Variants in CNST observed in about 807,000 individuals in gnomAD.
The protein encoded by CNST is consortin.
In CNST, 39 loss-of-function variants were observed where a neutral mutation model predicts 72.4. The observed-to-expected ratio is 0.54, with a 90% CI of 0.42 to 0.70. The LOEUF (loss-of-function observed/expected upper bound fraction) is 0.70, where lower values mean the gene tolerates loss of function less well. Among genes scored for constraint, CNST ranks in the 30% least tolerant of loss-of-function variants. The pLI, the probability that CNST is intolerant of heterozygous loss-of-function variation, is 0.00. For synonymous variants in CNST, 332 were observed against 320.1 expected, an observed-to-expected ratio of 1.04 and a Z score of -0.40; for missense variants, 871 against 868.5, an observed-to-expected ratio of 1.00 and a Z score of -0.04.
intron 8 of CNST, among the ~76,000 whole-genome samples, chr1:246,645,673 C>T (rs1331066714): frequency 3.3e-5 from 5 of 151,432 alleles, no homozygotes; most frequent in Admixed American, 1.3e-4. Flanking sequence ...GTGATCCATC[C>T]GCCTCGGCCT....
At chr1:246,632,711 G>A (rs1402063252) in intron 4 of CNST, among the ~76,000 whole-genome samples, 3 of 152,208 alleles carry the variant, frequency 2.0e-5, no homozygotes, top group Admixed American at 2.0e-4. Flanking sequence ...TGATACAAAT[G>A]AGAAGGCTAA....
intron 4 of CNST, among the ~76,000 whole-genome samples, chr1:246,632,969 A>G (rs1158077917): frequency 2.0e-5 from 3 of 152,170 alleles, no homozygotes; most frequent in Non-Finnish European, 4.4e-5. Flanking sequence ...GAGAGAAATA[A>G]AAAAGGGAAA....
At chr1:246,639,580 C>G (rs1414229433) in intron 6 of CNST, among the ~76,000 whole-genome samples, 1 of 152,076 alleles carries the variant, frequency 6.6e-6, no homozygotes, top group African/African-American at 2.4e-5. Context: ...ATTTAAAAGA[C>G]AGATAGCATG....
intron 2 of CNST, among the ~76,000 whole-genome samples, chr1:246,610,029 T>C (rs993802546): frequency 6.6e-6 from 1 of 152,192 alleles, no homozygotes. Context: ...AGGCCTGTAA[T>C]CCCAGCACTT....
chr1:246,627,389 C>A (rs866698522), intron 3 of CNST, among the ~76,000 whole-genome samples: 8 of 152,200 alleles, frequency 5.3e-5, no homozygotes, highest in Non-Finnish European at 1.5e-5. Flanking sequence ...CTCAGATATA[C>A]CAAGGATGTT....
intron 9 of CNST, among the ~76,000 whole-genome samples, chr1:246,650,025 C>G (rs982785236): frequency 1.3e-5 from 2 of 151,862 alleles, no homozygotes; most frequent in Non-Finnish European, 2.9e-5. Flanking sequence ...GATCAACATC[C>G]CTTTCCCAAA....
chr1:246,568,488 C>T (rs953434073), intron 1 of CNST, among the ~76,000 whole-genome samples: 1 of 152,168 alleles, frequency 6.6e-6, no homozygotes, highest in African/African-American at 2.4e-5. Context: ...ACTTTATGAT[C>T]AGGATTTAGA....
intron 1 of CNST, among the ~76,000 whole-genome samples, chr1:246,577,921 CCT>C (rs1448611109): frequency 6.6e-6 from 1 of 151,992 alleles, no homozygotes; most frequent in Non-Finnish European, 1.5e-5. Flanking sequence ...ACAAAAATAT[CCT>C]CTGTTCTCAA....
Position 246,647,355 on chromosome 1 carries a change from C to T in CNST, c.1154C>T (p.Ser385Phe). The T allele has an allele frequency of 6.2e-7, 1 of 1,614,168 alleles. No individual in the cohort carries two copies. Among genetic ancestry groups the T allele is most frequent in the Non-Finnish European group, 8.5e-7 (1 of 1,180,034 alleles). Residue 385 changes from serine to phenylalanine, a missense_variant, in exon 9 of 11, where the codon TCT becomes TTT. Transcript: ENST00000366513. ...TCCTCCGAGACAGCAGGGAGCCCGT[C>T]TGGGCCAGACTCTTCTGAGGATGCT... is the stretch of plus-strand genomic sequence containing the variant. ...TQSSETAGSP[S>F]GPDSSEDACE... is the part of the protein sequence containing the mutation.
intron 2 of CNST, chr1:246,606,722 T>A (rs1435865878): frequency 2.0e-5 from 3 of 151,832 alleles, no homozygotes; most frequent in Admixed American, 2.0e-4. Flanking sequence ...TCTCACGGTC[T>A]TTGGCTTCCT....
chr1:246,635,213 AAAAG>A (rs1025176139), intron 6 of CNST, among the ~76,000 whole-genome samples: 1 of 151,894 alleles, frequency 6.6e-6, no homozygotes. Context: ...ACCTCGGAAA[AAAAG>A]AAAAAATTTT....
chr1:246,647,517 G>T lies in CNST; in HGVS notation c.1316G>T (p.Cys439Phe), dbSNP rs139509083. The change falls in exon 9 of 11, where the codon TGT becomes TTT. Residue 439 changes from cysteine to phenylalanine, a missense_variant. Cys to Phe is a radical substitution (Grantham distance 205). Coordinates refer to ENST00000366513, the MANE Select transcript of CNST (RefSeq NM_152609.3). ...ACAGAGCCGTTGATTTCACCAGGCTGTGACCGTATACCTCCTGCATTGATT... is the reference window on the plus strand; with the variant it reads ...ACAGAGCCGTTGATTTCACCAGGCTTTGACCGTATACCTCCTGCATTGATT... The part of the protein sequence containing the change: ...SKTEPLISPG[C>F]DRIPPALISE... 266 of 1,614,186 alleles carry T rather than the reference G, an allele frequency of 1.6e-4. 1 individual carries two copies. The highest frequency in any genetic ancestry group is 5.0e-4 in the Admixed American group (30 of 60,030).
chr1:246,660,104 A>T (rs1048992333), intron 9 of CNST, 95 bp from the exon 10 acceptor site: 23 of 1,060,972 alleles, frequency 2.2e-5, no homozygotes, highest in Non-Finnish European at 3.0e-5. Flanking sequence ...CCTGTAATAA[A>T]AATTCAAATA....
intron 6 of CNST, among the ~76,000 whole-genome samples, chr1:246,636,851 A>G (rs1470590577): frequency 6.6e-6 from 1 of 152,198 alleles, no homozygotes; most frequent in African/African-American, 2.4e-5. Context: ...TGTTGACATG[A>G]GTATGGTGAG....
chr1:246,664,725 C>T (rs1485302787), intron 10 of CNST, among the ~76,000 whole-genome samples: 1 of 152,168 alleles, frequency 6.6e-6, no homozygotes, highest in Non-Finnish European at 1.5e-5. Flanking sequence ...CACACCCAGC[C>T]TTAACACTGT....
chr1:246,609,811 C>T (rs1191714985), intron 2 of CNST, among the ~76,000 whole-genome samples: 8 of 152,214 alleles, frequency 5.3e-5, no homozygotes, highest in African/African-American at 1.9e-4. Context: ...TATGCAATGA[C>T]TCAAAGACCC....
chr1:246,626,451 CTTT>C (rs74163468), intron 3 of CNST, among the ~76,000 whole-genome samples: 4 of 79,920 alleles, frequency 5.0e-5, no homozygotes, highest in Admixed American at 2.0e-4. Context: ...TAGGTTTGTC[CTTT>C]TTTTTTTTTT....
At chr1:246,657,482 C>T (rs1426141567) in intron 9 of CNST, among the ~76,000 whole-genome samples, 5 of 152,084 alleles carry the variant, frequency 3.3e-5, no homozygotes, top group Non-Finnish European at 5.9e-5. Flanking sequence ...AGGCGTGGTT[C>T]GATTTTTAGC....
intron 1 of CNST, among the ~76,000 whole-genome samples, chr1:246,582,556 T>C (rs572256385): frequency 1.1e-4 from 16 of 152,214 alleles, no homozygotes; most frequent in Admixed American, 6.5e-4. Context: ...CCCCTAGTAA[T>C]TGGTTCATGG....
Sources: allele counts gnomAD v4.1 joint callset (sites outside exome capture counted in the v4.1 genomes callset), GRCh38; gene constraint gnomAD v4.1.1; transcripts MANE v1.5; gene names NCBI Gene and HGNC (gene_info 2026-07-23, HGNC 2026-07-21).